The following TRABD variants were observed in gnomAD, a reference collection of about 807,000 sequenced individuals.
TRABD encodes traB domain-containing protein.
Under a neutral mutation model 39.6 loss-of-function variants are expected in TRABD, and 23 were observed. The ratio of observed to expected loss-of-function variants is 0.58; its 90% CI spans 0.42 to 0.82. TRABD has a LOEUF of 0.82. Ranked by LOEUF, TRABD falls within the 40% of genes least tolerant of loss-of-function variation. TRABD has a pLI of 0.00. For synonymous variants in TRABD, 243 were observed against 232.1 expected (o/e 1.05, Z -0.43); for missense variants, 487 against 544.9 (o/e 0.89, Z 1.06).
At position 50,199,095 on chromosome 22, in the gene TRABD, C is replaced by G; in HGVS notation, c.*576C>G. 2.8e-6 allele frequency: 2 copies of G among 716,882 alleles called. No homozygotes were observed. The highest frequency in any genetic ancestry group is 5.2e-6 in the Non-Finnish European group (2 of 384,528). 44.4% of individuals were successfully genotyped at this position (716,882 alleles called of 1,614,324 possible). On this transcript the variant is annotated 3_prime_UTR_variant, in exon 10 of 10. Coordinates refer to ENST00000380909, the MANE Select transcript of TRABD (RefSeq NM_001320485.2). ...TTTTTTAATGTCTTAAAATCTTTTACTCAGGTAATTTTAATTTCAGAGAGA... is the reference window on the plus strand; with the variant it reads ...TTTTTTAATGTCTTAAAATCTTTTAGTCAGGTAATTTTAATTTCAGAGAGA...
chr22:50,197,529 C>T lies in TRABD; in HGVS notation c.612C>T (p.Leu204=). The T allele has an allele frequency of 6.2e-7, 1 of 1,613,732 alleles. No homozygotes were observed. Among genetic ancestry groups the T allele is most frequent in the Non-Finnish European group, 8.5e-7 (1 of 1,180,026 alleles). Residue 204 remains leucine (L), a synonymous_variant, in exon 7 of 10, where the codon CTC becomes CTT. Transcript: ENST00000380909. ...PVTFKRAIAA[L]SFWQKVRLAW... The stretch of plus-strand genomic sequence containing the variant: ...CCTTCAAGAGGGCCATCGCAGCGCT[C>T]TCCTTCTGGCAGAAGGTCAGGCTGG...
Position 50,198,629 on chromosome 22 carries a change from GTCT to G in TRABD, c.*111_*113del. ...GAGGCCCCTGCCACCCCCCATGGGG[GTCT>G]GGGCCCGGCCTCGCCTGCCCTCCTG... On this transcript the variant is annotated 3_prime_UTR_variant, in exon 10 of 10. Coordinates refer to ENST00000380909, the MANE Select transcript of TRABD (RefSeq NM_001320485.2). This position sits in a 1 kb window ranked among gnomAD's most constrained non-coding sequence, Gnocchi z 7.9. 1.7e-6 allele frequency: 2 copies of G among 1,193,108 alleles called. No homozygotes were observed. Among genetic ancestry groups the G allele is most frequent in the Non-Finnish European group, 2.2e-6 (2 of 891,116 alleles). The allele number at this position is 1,193,108 out of a possible 1,614,324, so 73.9% of individuals were successfully genotyped here.
At chr22:50,196,494 C>T (rs558216191) in intron 5 of TRABD, among the ~76,000 whole-genome samples, 12 of 152,298 alleles carry the variant, frequency 7.9e-5, no homozygotes, top group African/African-American at 2.6e-4. Flanking sequence ...TGGTGCCAGC[C>T]GGCCGGTGAG....
chr22:50,190,268 A>T (rs2063862064), intron 1 of TRABD, among the ~76,000 whole-genome samples: 1 of 152,298 alleles, frequency 6.6e-6, no homozygotes, highest in Non-Finnish European at 1.5e-5. Context: ...TGGCGCTGAC[A>T]TCGTCCTGCT....
At chr22:50,187,327 C>T (rs1341481911) in intron 1 of TRABD, among the ~76,000 whole-genome samples, 1 of 152,220 alleles carries the variant, frequency 6.6e-6, no homozygotes, top group Non-Finnish European at 1.5e-5. Flanking sequence ...GCCACACCTG[C>T]GTGAAGCGGT....
chr22:50,191,269 C>T (rs754515520), intron 1 of TRABD, among the ~76,000 whole-genome samples: 2 of 152,180 alleles, frequency 1.3e-5, no homozygotes, highest in Non-Finnish European at 2.9e-5. Context: ...GCCTCTTCCC[C>T]TGCTCAGAGC....
chr22:50,189,883 C>T (rs1284296353), intron 1 of TRABD, among the ~76,000 whole-genome samples: 1 of 152,222 alleles, frequency 6.6e-6, no homozygotes, highest in Non-Finnish European at 1.5e-5. Context: ...GTTCTTCAGA[C>T]ATTGTCTCTG....
At chr22:50,195,994 G>C (rs1253885077) in intron 5 of TRABD, among the ~76,000 whole-genome samples, 1 of 152,210 alleles carries the variant, frequency 6.6e-6, no homozygotes, top group Admixed American at 6.5e-5. Context: ...CCCAGCACTG[G>C]GCAGCCTCCC....
intron 4 of TRABD, 65 bp from the exon 5 acceptor site, chr22:50,194,835 G>T: frequency 6.4e-7 from 1 of 1,567,166 alleles, no homozygotes; most frequent in East Asian, 2.3e-5. Context: ...CCTGGTGCTG[G>T]CGTCAGCTGT....
chr22:50,188,671 T>TC (rs2063819202), intron 1 of TRABD, among the ~76,000 whole-genome samples: 1 of 152,156 alleles, frequency 6.6e-6, no homozygotes, highest in Non-Finnish European at 1.5e-5. Flanking sequence ...TCTAATACCT[T>TC]CATAGTGGGA....
Position 50,198,360 on chromosome 22 carries a change from C to A in TRABD, c.972C>A (p.Ser324=). 6.3e-7 allele frequency: 1 copy of A among 1,576,218 alleles called. No individual in the cohort carries two copies. Among genetic ancestry groups the A allele is most frequent in the East Asian group, 2.3e-5 (1 of 44,360 alleles). Residue 324 remains serine, a synonymous_variant, in exon 10 of 10, where the codon TCC becomes TCA. Transcript: ENST00000380909. The surrounding 1 kb of genome is among the most constrained non-coding windows in gnomAD (Gnocchi z 7.9). ...IQEIMTVPPP[S]VSGRVSRLAV... ...CCTCCCACAGCGTGCCCCCGCCGTC[C>A]GTCTCCGGCAGAGTGTCTCGGTTGG... is the stretch of plus-strand genomic sequence containing the variant.
At position 50,190,113 on chromosome 22, in the gene TRABD, G is replaced by A. The variant is rs373738600; in HGVS notation, c.-34-2914G>A. Among the ~76,000 whole-genome samples the A allele has an allele frequency of 6.6e-5, 10 of 152,340 alleles. No individual in the cohort carries two copies. In the East Asian group the frequency reaches 7.7e-4, roughly 12 times the overall value. On this transcript the variant is annotated intron_variant, in intron 1 of 9. Transcript: ENST00000380909. ...GGGAAAGAGAGTGTTGAGACTGTAA[G>A]AGTGACTGTCAGAGACGTCCCCCAG...
At position 50,199,197 on chromosome 22, in the gene TRABD, G is replaced by C; in HGVS notation, c.*678G>C. On this transcript the variant is annotated 3_prime_UTR_variant, in exon 10 of 10. Transcript: ENST00000380909. ...ATTCGTGTTCTTGGGTCTGTCCCGA[G>C]TGGGCTCGCGTGCAGCCAAACATCA... is the stretch of plus-strand genomic sequence containing the variant. 2.8e-6 allele frequency: 2 copies of C among 705,926 alleles called. No individual in the cohort carries two copies. The highest frequency in any genetic ancestry group is 5.3e-6 in the Non-Finnish European group (2 of 378,688). 43.7% of individuals were successfully genotyped at this position (705,926 alleles called of 1,614,324 possible). A position where few individuals can be genotyped will look rare whatever the true frequency, so the allele number is the denominator to read the frequency against.
chr22:50,189,417 G>A (rs1056902406), intron 1 of TRABD, among the ~76,000 whole-genome samples: 6 of 152,252 alleles, frequency 3.9e-5, no homozygotes, highest in African/African-American at 1.4e-4. Context: ...GTCCTGCTCG[G>A]TGGACGTCCG....
chr22:50,190,671 G>A (rs1377924526), intron 1 of TRABD: 3 of 152,544 alleles, frequency 2.0e-5, no homozygotes, highest in East Asian at 1.9e-4. Context: ...CGTGCGCCCC[G>A]GCAGTCTTGC....
chr22:50,196,967 G>C, intron 5 of TRABD: 1 of 429,702 alleles, frequency 2.3e-6, no homozygotes, highest in South Asian at 3.1e-5. Context: ...CAAAGTGCTG[G>C]GATGACAGGC....
intron 1 of TRABD, among the ~76,000 whole-genome samples, chr22:50,188,903 C>A (rs2063824463): frequency 6.6e-6 from 1 of 152,230 alleles, no homozygotes; most frequent in Non-Finnish European, 1.5e-5. Context: ...TCAGGCAGAG[C>A]CCTAACGGAT....
intron 5 of TRABD, among the ~76,000 whole-genome samples, chr22:50,196,708 C>T (rs1357351944): frequency 6.8e-6 from 1 of 146,002 alleles, no homozygotes; most frequent in Non-Finnish European, 1.5e-5. Context: ...TTTTCTTCTT[C>T]TTTTTTTTTT....
chr22:50,187,025 C>T (rs1186736619), intron 1 of TRABD, among the ~76,000 whole-genome samples: 1 of 152,216 alleles, frequency 6.6e-6, no homozygotes, highest in African/African-American at 2.4e-5. Flanking sequence ...CCGTGCAGGC[C>T]GCCAGGCTCA....
Sources: gnomAD v4.1 joint callset for allele counts (sites outside exome capture counted in the v4.1 genomes callset) on GRCh38, gnomAD v4.1.1 for gene constraint, Gnocchi (gnomAD v3.1) non-coding constraint, MANE v1.5 for transcripts, NCBI Gene and HGNC (gene_info 2026-07-23, HGNC 2026-07-21) for gene names.